PDE7B: variants seen among roughly 807,000 people sequenced by gnomAD.
PDE7B encodes 3',5'-cyclic-AMP phosphodiesterase 7B.
PDE7B carries 29 observed loss-of-function variants against 56.2 expected under a neutral mutation model. The ratio of observed to expected loss-of-function variants is 0.52; its 90% CI spans 0.38 to 0.70. The LOEUF (loss-of-function observed/expected upper bound fraction) is 0.70. Ranked by LOEUF, PDE7B falls within the 30% of genes least tolerant of loss-of-function variation. The pLI, the probability that PDE7B is intolerant of heterozygous loss-of-function variation, is 0.00. For missense variants in PDE7B, 490 were observed against 565.0 expected, an observed-to-expected ratio of 0.87 and a Z score of 1.35; for synonymous variants, 197 against 196.9, an observed-to-expected ratio of 1.00 and a Z score of 0.00.
In PDE7B at chr6:136,191,013, C is replaced by CTT. The variant is rs752187218; in HGVS notation, c.1127-578_1127-577dup. ...CTGCCTTCTTTAGCTCCAGCATACACTTTTTTTTTTTTTTTTTTTTTTTTA... is the reference window on the plus strand; with the variant it reads ...CTGCCTTCTTTAGCTCCAGCATACACTTTTTTTTTTTTTTTTTTTTTTTTTTA... On this transcript the variant is annotated intron_variant, in intron 12 of 12. Transcript: ENST00000308191. Among the ~76,000 whole-genome samples, 109 of 99,288 alleles carry CTT rather than the reference C, an allele frequency of 1.1e-3. 3 individuals carry two copies. In the East Asian group the frequency reaches 0.012, roughly 11 times the overall value. 65.1% of individuals were successfully genotyped at this position (99,288 alleles called of 152,430 possible).
At chr6:136,045,293 C>T (rs896255155) in intron 2 of PDE7B, among the ~76,000 whole-genome samples, 3 of 152,158 alleles carry the variant, frequency 2.0e-5, no homozygotes, top group Non-Finnish European at 4.4e-5. Flanking sequence ...CCTTTCCATA[C>T]ATTTCTCTTT....
chr6:136,187,650 C>T (rs1779163396), intron 12 of PDE7B, among the ~76,000 whole-genome samples: 1 of 152,226 alleles, frequency 6.6e-6, no homozygotes, highest in African/African-American at 2.4e-5. Context: ...AAACCACACT[C>T]TCTTTCAAGT....
intron 1 of PDE7B, among the ~76,000 whole-genome samples, chr6:135,908,618 A>G (rs1283921780): frequency 1.3e-5 from 2 of 152,226 alleles, no homozygotes; most frequent in East Asian, 3.8e-4. Context: ...ATTGTATTAT[A>G]TTCACACATT....
At chr6:136,061,014 C>T (rs1236479513) in intron 2 of PDE7B, among the ~76,000 whole-genome samples, 1 of 152,048 alleles carries the variant, frequency 6.6e-6, no homozygotes, top group East Asian at 1.9e-4. Flanking sequence ...TAATTATTTA[C>T]TGAATGCATG....
chr6:136,050,542 C>T (rs1011909352), intron 2 of PDE7B, among the ~76,000 whole-genome samples: 3 of 152,110 alleles, frequency 2.0e-5, no homozygotes, highest in African/African-American at 7.2e-5. Flanking sequence ...TACTGTGGTC[C>T]TTTTCAGGAG....
At chr6:136,036,521 C>A (rs1452183743) in intron 2 of PDE7B, among the ~76,000 whole-genome samples, 3 of 152,062 alleles carry the variant, frequency 2.0e-5, no homozygotes, top group African/African-American at 4.8e-5. Context: ...AACTTATTAA[C>A]CATGGATTTA....
intron 9 of PDE7B, among the ~76,000 whole-genome samples, chr6:136,175,026 G>A (rs975124830): frequency 2.6e-5 from 4 of 152,128 alleles, no homozygotes; most frequent in African/African-American, 9.7e-5. Context: ...GTGAGGACAG[G>A]AAAGAAGAAA....
intron 8 of PDE7B, among the ~76,000 whole-genome samples, chr6:136,164,739 C>T (rs1778766527): frequency 1.3e-5 from 2 of 151,832 alleles, no homozygotes; most frequent in African/African-American, 4.8e-5. Context: ...AAGATTTTCA[C>T]ATATAAAATT....
chr6:135,967,867 A>G (rs1346652826), intron 2 of PDE7B, among the ~76,000 whole-genome samples: 1 of 152,210 alleles, frequency 6.6e-6, no homozygotes, highest in East Asian at 1.9e-4. Context: ...CTTGGGCAGG[A>G]CCTGAAGGCC....
intron 2 of PDE7B, among the ~76,000 whole-genome samples, chr6:136,001,581 A>C (rs1443796917): frequency 6.6e-6 from 1 of 152,252 alleles, no homozygotes; most frequent in Non-Finnish European, 1.5e-5. Context: ...GATGCGATCA[A>C]TTGGAAGAAA....
chr6:135,927,206 C>G (rs1385008515), intron 1 of PDE7B, among the ~76,000 whole-genome samples: 1 of 152,002 alleles, frequency 6.6e-6, no homozygotes. Flanking sequence ...AATCATTTAA[C>G]TTTATGTCTG....
At chr6:136,122,441 G>A (rs1777952734) in intron 3 of PDE7B, among the ~76,000 whole-genome samples, 1 of 152,094 alleles carries the variant, frequency 6.6e-6, no homozygotes, top group Non-Finnish European at 1.5e-5. Context: ...AGTTTTTCCT[G>A]GGTATACAGT....
intron 2 of PDE7B, among the ~76,000 whole-genome samples, chr6:136,022,473 T>C (rs1441684849): frequency 6.6e-6 from 1 of 152,150 alleles, no homozygotes; most frequent in East Asian, 1.9e-4. Flanking sequence ...TGATAAATAT[T>C]TGTCATCTAG....
In PDE7B at chr6:135,939,063, TTGAC is replaced by T. The variant is rs568556200; in HGVS notation, c.22-8397_22-8394del. 1.3e-3 allele frequency among the ~76,000 whole-genome samples: 200 copies of T among 152,324 alleles called. 1 individual carries two copies. The highest frequency in any genetic ancestry group is 4.6e-3 in the African/African-American group (190 of 41,576). On this transcript the variant is annotated intron_variant, in intron 1 of 12. Coordinates refer to ENST00000308191, the MANE Select transcript of PDE7B (RefSeq NM_018945.4). ...CGCCATTGAGCTAACATTCTGTTCT[TTGAC>T]TGAAGAAGAAAACAAAGCTGTTAAA...
At position 136,108,810 on chromosome 6, in the gene PDE7B, TAACAGTGAGTA is replaced by T; in HGVS notation, c.164_166+8del. The T allele has an allele frequency of 6.4e-7, 1 of 1,564,604 alleles. No individual in the cohort carries two copies. On this transcript the variant is annotated splice_donor_variant and splice_donor_5th_base_variant and coding_sequence_variant and intron_variant, in exon 3 of 13. Coordinates refer to ENST00000308191, the MANE Select transcript of PDE7B (RefSeq NM_018945.4). LOFTEE classifies it high-confidence loss of function. ...ACCCATTCATTGACTTCCGCCTACT[TAACAGTGAGTA>T]ATCAAGTGTACCTGGAAAGGAACAA...
chr6:135,883,561 C>T (rs1026624568), intron 1 of PDE7B, among the ~76,000 whole-genome samples: 20 of 152,156 alleles, frequency 1.3e-4, no homozygotes, highest in Admixed American at 2.0e-4. Context: ...CTTTAGTCAA[C>T]AAGACAATTA....
intron 1 of PDE7B, among the ~76,000 whole-genome samples, chr6:135,886,337 A>T (rs936565680): frequency 2.6e-5 from 4 of 151,934 alleles, no homozygotes; most frequent in African/African-American, 9.7e-5. Flanking sequence ...TCCCTTTATC[A>T]TCTTTTTCCT....
At chr6:135,863,607 G>T (rs925105852) in intron 1 of PDE7B, among the ~76,000 whole-genome samples, 1 of 151,682 alleles carries the variant, frequency 6.6e-6, no homozygotes, top group Admixed American at 6.6e-5. Flanking sequence ...ATGGAAAAAA[G>T]GTTGAGAATT....
intron 6 of PDE7B, 40 bp downstream of exon 6, chr6:136,151,295 A>C: frequency 1.0e-6 from 1 of 985,774 alleles, no homozygotes; most frequent in Non-Finnish European, 1.6e-6. Flanking sequence ...CATTCTCTTG[A>C]ATAATGGCAA....
Sources: gnomAD v4.1 joint callset for allele counts (sites outside exome capture counted in the v4.1 genomes callset) on GRCh38, gnomAD v4.1.1 for gene constraint, MANE v1.5 for transcripts, NCBI Gene and HGNC (gene_info 2026-07-23, HGNC 2026-07-21) for gene names.